Variants in MCC observed in about 807,000 individuals in gnomAD.
The protein encoded by MCC is colorectal mutant cancer protein.
A neutral mutation model predicts 116.2 loss-of-function variants in MCC; 90 were observed. That is an observed-to-expected ratio of 0.77 (90% CI 0.65 to 0.92). The LOEUF (loss-of-function observed/expected upper bound fraction) is 0.92. MCC is among the 40% of genes least tolerant of loss of function. The pLI, the probability that MCC is intolerant of heterozygous loss-of-function variation, is 0.00. For synonymous variants in MCC, 578 were observed against 510.5 expected (o/e 1.13, Z -1.78); for missense variants, 1,516 against 1,312.2 (o/e 1.16, Z -2.40).
chr5:113,287,943 C>CT (rs1452364330), intron 3 of MCC, among the ~76,000 whole-genome samples: 1 of 152,272 alleles, frequency 6.6e-6, no homozygotes, highest in Non-Finnish European at 1.5e-5. Context: ...TCTCTCCCTG[C>CT]TTCCAGGTCT....
intron 14 of MCC, among the ~76,000 whole-genome samples, chr5:113,055,110 A>G (rs946227581): frequency 2.6e-5 from 4 of 152,188 alleles, no homozygotes; most frequent in African/African-American, 9.7e-5. Flanking sequence ...CTGTGTTGTC[A>G]TGTCTGTTGC....
At chr5:113,430,379 T>A (rs1770598206) in intron 1 of MCC, among the ~76,000 whole-genome samples, 1 of 152,200 alleles carries the variant, frequency 6.6e-6, no homozygotes, top group Non-Finnish European at 1.5e-5. Flanking sequence ...CCCTTAGTTA[T>A]TTTAGGTAAG....
intron 3 of MCC, among the ~76,000 whole-genome samples, chr5:113,327,818 G>A (rs1385837037): frequency 1.3e-5 from 2 of 150,402 alleles, no homozygotes; most frequent in East Asian, 4.0e-4. Flanking sequence ...TAAAAGTAAT[G>A]GCAAAAAGCA....
chr5:113,337,428 G>A (rs1486764131), intron 3 of MCC, among the ~76,000 whole-genome samples: 1 of 152,184 alleles, frequency 6.6e-6, no homozygotes, highest in East Asian at 1.9e-4. Flanking sequence ...CTGCAATTCA[G>A]TGGGCTGCAG....
intron 14 of MCC, among the ~76,000 whole-genome samples, chr5:113,057,969 G>C (rs1160698487): frequency 6.6e-6 from 1 of 152,206 alleles, no homozygotes; most frequent in Non-Finnish European, 1.5e-5. Flanking sequence ...TACTTGGGAG[G>C]TTTCAGGAAT....
At chr5:113,108,577 C>T (rs528370444) in intron 6 of MCC, among the ~76,000 whole-genome samples, 8 of 150,774 alleles carry the variant, frequency 5.3e-5, no homozygotes, top group South Asian at 2.1e-4. Context: ...CGCTTGAATC[C>T]GGCAGGTGGA....
chr5:113,146,165 T>C (rs193272210), intron 4 of MCC, among the ~76,000 whole-genome samples: 21 of 151,258 alleles, frequency 1.4e-4, no homozygotes, highest in Admixed American at 6.6e-4. Context: ...ATACTTCCTC[T>C]ACACAGATCA....
At chr5:113,189,787 C>A (rs1240158156) in intron 3 of MCC, among the ~76,000 whole-genome samples, 1 of 152,208 alleles carries the variant, frequency 6.6e-6, no homozygotes, top group Non-Finnish European at 1.5e-5. Flanking sequence ...TACTACCAAA[C>A]TTAAATTAAA....
At chr5:113,038,933 C>T (rs757629034) in intron 17 of MCC, among the ~76,000 whole-genome samples, 4 of 152,210 alleles carry the variant, frequency 2.6e-5, no homozygotes, top group Non-Finnish European at 4.4e-5. Flanking sequence ...CACGCAGACA[C>T]AGATGGCATA....
chr5:113,329,915 TG>T (rs1369235339), intron 3 of MCC, among the ~76,000 whole-genome samples: 2 of 152,178 alleles, frequency 1.3e-5, no homozygotes, highest in East Asian at 3.8e-4. Context: ...TAACTGTCCT[TG>T]GTGATCATGA....
intron 3 of MCC, among the ~76,000 whole-genome samples, chr5:113,292,957 G>T (rs542787149): frequency 3.3e-5 from 5 of 152,122 alleles, no homozygotes; most frequent in Non-Finnish European, 7.4e-5. Context: ...AAATCCTCAT[G>T]CCTCCTCCCT....
At chr5:113,315,704 C>CAAAAAAAAAAA (rs35274366) in intron 3 of MCC, among the ~76,000 whole-genome samples, 1 of 64,468 alleles carries the variant, frequency 1.6e-5, no homozygotes, top group African/African-American at 5.3e-5. Flanking sequence ...CCCATCTCTA[C>CAAAAAAAAAAA]AAAAAAAAAA....
chr5:113,450,439 C>A (rs1321063969), intron 1 of MCC, among the ~76,000 whole-genome samples: 1 of 152,104 alleles, frequency 6.6e-6, no homozygotes, highest in East Asian at 1.9e-4. Flanking sequence ...AATATAGCTG[C>A]CTTTGACTGA....
intron 1 of MCC, among the ~76,000 whole-genome samples, chr5:113,467,463 T>C (rs1442387949): frequency 1.3e-5 from 2 of 152,212 alleles, no homozygotes; most frequent in Non-Finnish European, 2.9e-5. Flanking sequence ...TTGCTTGTTT[T>C]TGTCAGGTTT....
At chr5:113,251,572 G>A (rs1764806324) in intron 3 of MCC, among the ~76,000 whole-genome samples, 1 of 152,174 alleles carries the variant, frequency 6.6e-6, no homozygotes, top group African/African-American at 2.4e-5. Flanking sequence ...GTGGCCTCGT[G>A]GAGAAGGTAC....
At chr5:113,066,211 A>G (rs1753591007) in intron 13 of MCC, among the ~76,000 whole-genome samples, 1 of 152,222 alleles carries the variant, frequency 6.6e-6, no homozygotes, top group South Asian at 2.1e-4. Context: ...CTGAGTAGGT[A>G]CATGCCTAAT....
At chr5:113,039,202 T>G (rs1751518213) in intron 17 of MCC, among the ~76,000 whole-genome samples, 1 of 152,216 alleles carries the variant, frequency 6.6e-6, no homozygotes, top group African/African-American at 2.4e-5. Context: ...AGATCCTTAC[T>G]TTAAAAAGAT....
intron 1 of MCC, among the ~76,000 whole-genome samples, chr5:113,463,368 C>T (rs908478381): frequency 6.6e-6 from 1 of 152,044 alleles, no homozygotes; most frequent in Non-Finnish European, 1.5e-5. Flanking sequence ...ATGGGAAGGC[C>T]AGTTAGGAAT....
chr5:113,481,668 G>A (rs144909032), intron 1 of MCC, among the ~76,000 whole-genome samples: 4,882 of 152,196 alleles, frequency 0.032, 107 homozygotes, highest in East Asian at 0.076. Context: ...GAACCCGGGA[G>A]GCGGAGATTG....
Sources: allele counts gnomAD v4.1 joint callset (sites outside exome capture counted in the v4.1 genomes callset), GRCh38; gene constraint gnomAD v4.1.1; transcripts MANE v1.5; gene names NCBI Gene and HGNC (gene_info 2026-07-23, HGNC 2026-07-21).